The following HPSE2 variants were observed in gnomAD, a reference collection of about 807,000 sequenced individuals.
The protein encoded by HPSE2 is heparanase 2 (inactive).
HPSE2 carries 38 observed loss-of-function variants against 60.5 expected under a neutral mutation model. The ratio of observed to expected loss-of-function variants is 0.63; its 90% confidence interval spans 0.48 to 0.82. HPSE2 has a LOEUF of 0.82. Among genes scored for constraint, HPSE2 ranks in the 40% least tolerant of loss-of-function variants. The pLI is 0.00. For missense variants in HPSE2, 713 were observed against 740.4 expected, an observed-to-expected ratio of 0.96 and a Z score of 0.43; for synonymous variants, 295 against 293.2, an observed-to-expected ratio of 1.01 and a Z score of -0.06.
intron 3 of HPSE2, chr10:99,013,464 T>G: frequency 4.6e-6 from 2 of 434,896 alleles, no homozygotes; most frequent in South Asian, 2.2e-5. Flanking sequence ...TGTATATTAT[T>G]ATGATTATGA....
chr10:99,245,071 A>G, the HPSE2 span, among the ~76,000 whole-genome samples: 1 of 152,208 alleles, frequency 6.6e-6, no homozygotes, highest in Non-Finnish European at 1.5e-5. Flanking sequence ...CAGACACTTA[A>G]ATTTTAAATT....
At chr10:98,957,479 C>T (rs1228307111) in intron 3 of HPSE2, among the ~76,000 whole-genome samples, 1 of 152,102 alleles carries the variant, frequency 6.6e-6, no homozygotes, top group Admixed American at 6.6e-5. Context: ...AATAATAAGT[C>T]ATGGTAATAA....
chr10:98,616,327 G>C (rs488167), intron 8 of HPSE2, among the ~76,000 whole-genome samples: 148,234 of 152,254 alleles, frequency 0.97, 72,264 homozygotes, highest in East Asian at 1. Flanking sequence ...AACTTGTACC[G>C]CAAACACCCA....
At chr10:98,722,632 T>C (rs553852332) in intron 4 of HPSE2, among the ~76,000 whole-genome samples, 1 of 152,210 alleles carries the variant, frequency 6.6e-6, no homozygotes, top group East Asian at 1.9e-4. Context: ...AGTAGCTAAT[T>C]GAAGTAATTT....
chr10:98,923,390 G>T (rs1954342005), intron 3 of HPSE2, among the ~76,000 whole-genome samples: 1 of 152,066 alleles, frequency 6.6e-6, no homozygotes, highest in Non-Finnish European at 1.5e-5. Flanking sequence ...GGTTAAATCT[G>T]CCTGGTGTTC....
chr10:99,245,368 T>C, the HPSE2 span, among the ~76,000 whole-genome samples: 2 of 152,220 alleles, frequency 1.3e-5, no homozygotes, highest in Non-Finnish European at 2.9e-5. Flanking sequence ...TTATTTAATC[T>C]ATTTGATTCC....
At chr10:98,857,014 T>C (rs1952334469) in intron 3 of HPSE2, among the ~76,000 whole-genome samples, 1 of 152,126 alleles carries the variant, frequency 6.6e-6, no homozygotes, top group African/African-American at 2.4e-5. Flanking sequence ...ACATTTAACT[T>C]CTCCTCAGCT....
rs6144045 is a variant in HPSE2 at position 98,511,555 on chromosome 10, G to GGTGTGTGTGTGTGTGTGT, written c.1321-21377_1321-21360dup. Among the ~76,000 whole-genome samples the GGTGTGTGTGTGTGTGTGT allele has an allele frequency of 4.3e-5, 6 of 140,842 alleles. No homozygotes were observed. In the East Asian group the frequency reaches 1.1e-3, roughly 25 times the overall value. 92.4% of individuals were successfully genotyped at this position (140,842 alleles called of 152,430 possible). A position where few individuals can be genotyped will look rare whatever the true frequency, so the allele number is the denominator to read the frequency against. On this transcript the variant is annotated intron_variant, in intron 9 of 11. Transcript: ENST00000370552. ...CAAGTTGTCCCGAAAACATAACTAT[G>GGTGTGTGTGTGTGTGTGT]GTGTGTGTGTGTGTGTGTGTGTGTG...
At chr10:99,277,967 C>T in the HPSE2 span, among the ~76,000 whole-genome samples, 7 of 151,696 alleles carry the variant, frequency 4.6e-5, no homozygotes, top group African/African-American at 1.2e-4. Context: ...CGTGGTGGTG[C>T]GCACCTGTAA....
intron 11 of HPSE2, among the ~76,000 whole-genome samples, chr10:98,464,476 G>A (rs1372124115): frequency 6.6e-6 from 1 of 152,206 alleles, no homozygotes; most frequent in East Asian, 1.9e-4. Context: ...GATCCTTGCA[G>A]CGTCTGTGTA....
intron 3 of HPSE2, among the ~76,000 whole-genome samples, chr10:98,804,142 A>C (rs531330832): frequency 2.0e-5 from 3 of 152,250 alleles, no homozygotes; most frequent in East Asian, 1.9e-4. Flanking sequence ...TTAGTGTATA[A>C]GAATGCTTGT....
At chr10:98,882,772 A>G (rs1302281026) in intron 3 of HPSE2, among the ~76,000 whole-genome samples, 2 of 152,100 alleles carry the variant, frequency 1.3e-5, no homozygotes, top group African/African-American at 2.4e-5. Context: ...GGAAGTTCAG[A>G]ACAATGACTG....
intron 2 of HPSE2, among the ~76,000 whole-genome samples, chr10:99,153,163 C>T (rs1846355332): frequency 1.3e-5 from 2 of 152,186 alleles, no homozygotes; most frequent in South Asian, 2.1e-4. Context: ...AAGGCAGCAG[C>T]GAGGCTGGGG....
intron 3 of HPSE2, among the ~76,000 whole-genome samples, chr10:98,764,017 T>C (rs981679237): frequency 6.6e-6 from 1 of 152,158 alleles, no homozygotes; most frequent in African/African-American, 2.4e-5. Context: ...AACTTCAACA[T>C]ACATAGATGT....
At chr10:98,679,549 T>G (rs1947731591) in intron 6 of HPSE2, among the ~76,000 whole-genome samples, 1 of 152,018 alleles carries the variant, frequency 6.6e-6, no homozygotes, top group African/African-American at 2.4e-5. Context: ...CAATACTTTC[T>G]ACTGTGTTTT....
At chr10:98,884,349 G>A (rs985833252) in intron 3 of HPSE2, among the ~76,000 whole-genome samples, 3 of 152,130 alleles carry the variant, frequency 2.0e-5, no homozygotes, top group African/African-American at 7.2e-5. Flanking sequence ...TGGCTACACT[G>A]AACAACAGAT....
At chr10:98,719,040 T>C (rs1346481456) in intron 5 of HPSE2, among the ~76,000 whole-genome samples, 5 of 152,152 alleles carry the variant, frequency 3.3e-5, no homozygotes, top group Non-Finnish European at 7.4e-5. Flanking sequence ...AACTTAGACA[T>C]TGGTATAGTT....
chr10:98,883,966 C>T (rs1554836215), intron 3 of HPSE2, among the ~76,000 whole-genome samples: 5 of 152,086 alleles, frequency 3.3e-5, no homozygotes, highest in Non-Finnish European at 2.9e-5. Context: ...TTATACCAAA[C>T]AGTTAGCCAA....
At chr10:99,211,121 G>A (rs1488322383) in intron 2 of HPSE2, among the ~76,000 whole-genome samples, 2 of 150,500 alleles carry the variant, frequency 1.3e-5, no homozygotes, top group African/African-American at 2.4e-5. Context: ...CACTAACAAT[G>A]AACTATCCAA....
Sources: gnomAD v4.1 joint callset for allele counts (sites outside exome capture counted in the v4.1 genomes callset) on GRCh38, gnomAD v4.1.1 for gene constraint, MANE v1.5 for transcripts, NCBI Gene and HGNC (gene_info 2026-07-23, HGNC 2026-07-21) for gene names.